The following ENTREP1 variants were observed in gnomAD, a reference collection of about 807,000 sequenced individuals.
ENTREP1 encodes Friedreich ataxia region gene X123.
chr9:69,350,857 C>A, the ENTREP1 span, among the ~76,000 whole-genome samples: 1 of 151,364 alleles, frequency 6.6e-6, no homozygotes, highest in Admixed American at 6.6e-5. Flanking sequence ...TCTAGAAAAC[C>A]TTTTTCTTTT....
At chr9:69,326,328 C>A in the ENTREP1 span, among the ~76,000 whole-genome samples, 1 of 152,054 alleles carries the variant, frequency 6.6e-6, no homozygotes, top group Non-Finnish European at 1.5e-5. Flanking sequence ...TAAAGGAAGG[C>A]CTTAACCCCA....
the ENTREP1 span, among the ~76,000 whole-genome samples, chr9:69,377,957 T>C: frequency 6.6e-6 from 1 of 152,200 alleles, no homozygotes; most frequent in African/African-American, 2.4e-5. Flanking sequence ...CTGCCAGCCT[T>C]CTTTAGAAAA....
chr9:69,390,940 T>C, the ENTREP1 span, among the ~76,000 whole-genome samples: 1 of 121,846 alleles, frequency 8.2e-6, no homozygotes, highest in African/African-American at 3.2e-5. Flanking sequence ...CATGCCCAGC[T>C]AATTAATTTT....
At chr9:69,325,914 G>C in the ENTREP1 span, among the ~76,000 whole-genome samples, 3 of 152,168 alleles carry the variant, frequency 2.0e-5, no homozygotes, top group Admixed American at 1.3e-4. Flanking sequence ...GGTTGCACCT[G>C]GGTAGTGTCT....
chr9:69,331,860 G>A, the ENTREP1 span, among the ~76,000 whole-genome samples: 1 of 152,148 alleles, frequency 6.6e-6, no homozygotes, highest in African/African-American at 2.4e-5. Context: ...ACATTTGATA[G>A]CATTGTGGCA....
chr9:69,391,544 AG>A, the ENTREP1 span: 1 of 1,475,272 alleles, frequency 6.8e-7, no homozygotes, highest in Non-Finnish European at 9.5e-7. Context: ...GGTAGGTCAA[AG>A]GGCCACATCT....
chr9:69,383,827 C>T, the ENTREP1 span: 1 of 1,600,064 alleles, frequency 6.2e-7, no homozygotes, highest in Middle Eastern at 1.7e-4. Flanking sequence ...CGCCCCACCC[C>T]CTGCCCCCAG....
chr9:69,387,224 A>G, the ENTREP1 span: 1 of 152,310 alleles, frequency 6.6e-6, no homozygotes, highest in Non-Finnish European at 1.5e-5. Context: ...CTGAGAGGAC[A>G]GTCTCGAATC....
the ENTREP1 span, among the ~76,000 whole-genome samples, chr9:69,353,561 C>A: frequency 6.6e-6 from 1 of 152,228 alleles, no homozygotes; most frequent in East Asian, 1.9e-4. Flanking sequence ...AGAAAATTTT[C>A]TAATAATCTT....
chr9:69,387,998 T>TATA, the ENTREP1 span: 1 of 1,551,260 alleles, frequency 6.4e-7, no homozygotes, highest in Non-Finnish European at 8.7e-7. Context: ...AACCTTGTGT[T>TATA]GTTTTCCCTC....
At chr9:69,368,146 A>G in the ENTREP1 span, among the ~76,000 whole-genome samples, 1 of 152,004 alleles carries the variant, frequency 6.6e-6, no homozygotes, top group Non-Finnish European at 1.5e-5. Context: ...GCAAAGAGGA[A>G]CAATTTGACT....
the ENTREP1 span, among the ~76,000 whole-genome samples, chr9:69,351,508 G>A: frequency 7.2e-5 from 11 of 152,058 alleles, no homozygotes; most frequent in Non-Finnish European, 1.0e-4. Context: ...CCTCCACCTC[G>A]CGGGTTCAAG....
chr9:69,383,317 C>T, the ENTREP1 span: 1 of 954,014 alleles, frequency 1.0e-6, no homozygotes. Context: ...CAGTCACTCC[C>T]CATTCCCTTC....
At chr9:69,347,747 G>A in the ENTREP1 span, among the ~76,000 whole-genome samples, 1 of 152,082 alleles carries the variant, frequency 6.6e-6, no homozygotes, top group Non-Finnish European at 1.5e-5. Context: ...CCTACAGAGT[G>A]GCCTTGAACA....
chr9:69,384,744 A>T, the ENTREP1 span, among the ~76,000 whole-genome samples: 3 of 152,214 alleles, frequency 2.0e-5, no homozygotes, highest in Admixed American at 1.3e-4. Context: ...CACAATGGTG[A>T]TAAATAATGG....
chr9:69,356,913 T>A, the ENTREP1 span, among the ~76,000 whole-genome samples: 2 of 152,108 alleles, frequency 1.3e-5, no homozygotes, highest in African/African-American at 4.8e-5. Flanking sequence ...GAGCTAGATA[T>A]GTGCTGAGGG....
the ENTREP1 span, chr9:69,336,332 TA>T: frequency 1.4e-5 from 14 of 970,986 alleles, no homozygotes; most frequent in Admixed American, 2.2e-5. Flanking sequence ...AGTCTGTTCA[TA>T]TAAACCACTG....
At chr9:69,343,747 C>T in the ENTREP1 span, among the ~76,000 whole-genome samples, 4 of 152,168 alleles carry the variant, frequency 2.6e-5, no homozygotes, top group African/African-American at 9.7e-5. Context: ...GTAATAATTT[C>T]ATCAATGGCA....
the ENTREP1 span, chr9:69,375,843 T>C: frequency 6.2e-7 from 1 of 1,613,934 alleles, no homozygotes; most frequent in Non-Finnish European, 8.5e-7. Flanking sequence ...AGCCCTGTAG[T>C]GCTGTTCACC....
Sources: gnomAD v4.1 joint callset for allele counts (sites outside exome capture counted in the v4.1 genomes callset) on GRCh38, gnomAD v4.1.1 for gene constraint, MANE v1.5 for transcripts, NCBI Gene and HGNC (gene_info 2026-07-23, HGNC 2026-07-21) for gene names.